Variants in UBE2E3 observed in about 807,000 individuals in gnomAD.
UBE2E3 encodes the protein ubiquitin-conjugating enzyme E2 E3.
UBE2E3 carries 5 observed loss-of-function variants against 23.6 expected under a neutral mutation model. The observed-to-expected ratio is 0.21, with a 90% CI of 0.11 to 0.44. UBE2E3 has a LOEUF of 0.44. Ranked by LOEUF, UBE2E3 falls within the 20% of genes least tolerant of loss-of-function variation. The pLI, the probability that UBE2E3 is intolerant of heterozygous loss-of-function variation, is 0.99. For missense variants in UBE2E3, 81 were observed against 249.8 expected (o/e 0.32, Z 4.55); for synonymous variants, 78 against 87.5 (o/e 0.89, Z 0.60).
chr2:181,016,279 T>C (rs1050851962), intron 3 of UBE2E3, among the ~76,000 whole-genome samples: 3 of 152,074 alleles, frequency 2.0e-5, no homozygotes, highest in Non-Finnish European at 4.4e-5. Flanking sequence ...AGGATCTCAC[T>C]GTGTAGTCCA....
chr2:181,041,679 G>A (rs546447238), intron 3 of UBE2E3, among the ~76,000 whole-genome samples: 7 of 105,776 alleles, frequency 6.6e-5, no homozygotes, highest in South Asian at 3.9e-4. Context: ...CTTATGATCC[G>A]CCTGCCTCAG....
intron 3 of UBE2E3, among the ~76,000 whole-genome samples, chr2:181,000,039 T>C (rs1379175196): frequency 1.3e-5 from 2 of 152,226 alleles, no homozygotes; most frequent in Non-Finnish European, 2.9e-5. Flanking sequence ...ATAAAGAATA[T>C]TAATACAGTT....
At chr2:181,054,907 G>A (rs1686945879) in intron 3 of UBE2E3, among the ~76,000 whole-genome samples, 1 of 151,750 alleles carries the variant, frequency 6.6e-6, no homozygotes, top group Non-Finnish European at 1.5e-5. Context: ...TGAGAACGAG[G>A]GGCCAGGAAA....
chr2:180,994,175 A>T (rs761608503), intron 3 of UBE2E3, among the ~76,000 whole-genome samples: 7 of 152,316 alleles, frequency 4.6e-5, no homozygotes, highest in Non-Finnish European at 8.8e-5. Flanking sequence ...TTTCCATTAG[A>T]AGATGCCAAA....
chr2:181,032,399 A>C (rs903689927), intron 3 of UBE2E3, among the ~76,000 whole-genome samples: 4 of 152,212 alleles, frequency 2.6e-5, no homozygotes, highest in African/African-American at 9.6e-5. Flanking sequence ...CATGGGTTAC[A>C]AAAAAGTCAT....
intron 3 of UBE2E3, among the ~76,000 whole-genome samples, chr2:181,018,868 G>T (rs1041033438): frequency 9.6e-4 from 146 of 152,254 alleles, no homozygotes; most frequent in African/African-American, 3.4e-3. Flanking sequence ...AATTACCTGA[G>T]TTGGATGTCA....
At chr2:181,036,907 A>G (rs1686308166) in intron 3 of UBE2E3, among the ~76,000 whole-genome samples, 1 of 152,202 alleles carries the variant, frequency 6.6e-6, no homozygotes, top group South Asian at 2.1e-4. Context: ...TGGTTTCAGT[A>G]TATGTCATTT....
intron 3 of UBE2E3, among the ~76,000 whole-genome samples, chr2:181,021,427 C>CCCTTCCTT (rs1191857886): frequency 1.6e-4 from 18 of 115,438 alleles, no homozygotes; most frequent in Admixed American, 1.4e-3. Context: ...CTCCCTTCCT[C>CCCTTCCTT]CCTTCCTTCC....
At chr2:181,027,542 G>A (rs979697169) in intron 3 of UBE2E3, among the ~76,000 whole-genome samples, 2 of 151,922 alleles carry the variant, frequency 1.3e-5, no homozygotes, top group Admixed American at 6.6e-5. Context: ...TTTATGGGTA[G>A]TTTTAAATTT....
intron 3 of UBE2E3, among the ~76,000 whole-genome samples, chr2:181,019,093 A>G (rs185838293): frequency 6.6e-6 from 1 of 152,208 alleles, no homozygotes; most frequent in Admixed American, 6.5e-5. Context: ...TCTTCCAAGT[A>G]GCTGGGACTA....
intron 3 of UBE2E3, among the ~76,000 whole-genome samples, chr2:181,006,389 T>C (rs1685147955): frequency 6.9e-6 from 1 of 145,936 alleles, no homozygotes; most frequent in South Asian, 2.2e-4. Context: ...TTCAGATTTT[T>C]GTTGCCTTCC....
chr2:181,053,289 C>T (rs1319589885), intron 3 of UBE2E3, among the ~76,000 whole-genome samples: 1 of 151,718 alleles, frequency 6.6e-6, no homozygotes, highest in Non-Finnish European at 1.5e-5. Flanking sequence ...TGCAGATATA[C>T]AGTACCTTAT....
chr2:181,057,964 CAAG>C, intron 4 of UBE2E3, 139 bp downstream of exon 4: 1 of 858,996 alleles, frequency 1.2e-6, no homozygotes, highest in Non-Finnish European at 1.7e-6. Context: ...TTCGCATAAT[CAAG>C]AATTTTAAAA....
chr2:181,046,822 T>C (rs1686685878), intron 3 of UBE2E3, among the ~76,000 whole-genome samples: 1 of 152,172 alleles, frequency 6.6e-6, no homozygotes, highest in African/African-American at 2.4e-5. Flanking sequence ...ATGGTTTAGA[T>C]TTTATTCTGT....
At chr2:181,018,466 A>T (rs1473335909) in intron 3 of UBE2E3, among the ~76,000 whole-genome samples, 1 of 152,042 alleles carries the variant, frequency 6.6e-6, no homozygotes, top group African/African-American at 2.4e-5. Context: ...CTGGGTGCAG[A>T]TACCTATCTA....
At chr2:181,042,066 C>CCT (rs1329558612) in intron 3 of UBE2E3, among the ~76,000 whole-genome samples, 1 of 152,232 alleles carries the variant, frequency 6.6e-6, no homozygotes, top group African/African-American at 2.4e-5. Context: ...ATTAACTAAA[C>CCT]TCCTGGCTTT....
intron 3 of UBE2E3, among the ~76,000 whole-genome samples, chr2:181,001,883 A>C (rs72883559): frequency 0.23 from 35,319 of 152,064 alleles, 4,473 homozygotes; most frequent in Non-Finnish European, 0.28. Context: ...TTTTTTAATC[A>C]TCTAAAATGG....
intron 3 of UBE2E3, among the ~76,000 whole-genome samples, chr2:181,016,147 T>G (rs1685482322): frequency 6.6e-6 from 1 of 152,098 alleles, no homozygotes; most frequent in Non-Finnish European, 1.5e-5. Flanking sequence ...TTCAAATAAC[T>G]GAATTTTAAC....
intron 3 of UBE2E3, among the ~76,000 whole-genome samples, chr2:181,051,438 A>C (rs1033835078): frequency 6.6e-6 from 1 of 151,776 alleles, no homozygotes; most frequent in Non-Finnish European, 1.5e-5. Context: ...TAATCCCTGA[A>C]ATGTGCATTA....
Sources: allele counts gnomAD v4.1 joint callset (sites outside exome capture counted in the v4.1 genomes callset), GRCh38; gene constraint gnomAD v4.1.1; transcripts MANE v1.5; gene names NCBI Gene and HGNC (gene_info 2026-07-23, HGNC 2026-07-21).